Variants in KCNH1 observed in about 807,000 individuals in gnomAD.
KCNH1 encodes the protein voltage-gated delayed rectifier potassium channel KCNH1.
In KCNH1, 27 loss-of-function variants were observed where a neutral mutation model predicts 69.2. That is an observed-to-expected ratio of 0.39 (90% CI 0.29 to 0.54). The LOEUF is 0.54. KCNH1 is among the 20% of genes least tolerant of loss of function. KCNH1 has a pLI of 0.68. For missense variants in KCNH1, 798 were observed against 1,261.6 expected, an observed-to-expected ratio of 0.63 and a Z score of 5.57; for synonymous variants, 456 against 487.7, an observed-to-expected ratio of 0.93 and a Z score of 0.86.
At chr1:211,093,318 AAAG>A (rs1691089005) in intron 3 of KCNH1, among the ~76,000 whole-genome samples, 1 of 152,214 alleles carries the variant, frequency 6.6e-6, no homozygotes, top group African/African-American at 2.4e-5. Context: ...CCATTTGTTT[AAAG>A]TGTGTCTCTC....
In KCNH1 at chr1:210,683,491, C is replaced by T; in HGVS notation, c.2760G>A (p.Gln920=). 6.2e-7 allele frequency: 1 copy of T among 1,614,198 alleles called. No homozygotes were observed. Among genetic ancestry groups the T allele is most frequent in the Non-Finnish European group, 8.5e-7 (1 of 1,180,034 alleles). ...VKHSFYPIPE[Q]TLQATVLEVR... ...CCTCCAGGACTGTGGCCTGCAGCGT[C>T]TGCTCAGGGATGGGGTAGAACGAAT... Residue 920 remains glutamine, a synonymous_variant, in exon 11 of 11, where the codon CAG becomes CAA. Transcript: ENST00000271751. This position sits in a 1 kb window ranked among gnomAD's most constrained non-coding sequence, Gnocchi z 5.7.
intron 5 of KCNH1, among the ~76,000 whole-genome samples, chr1:211,060,068 A>G (rs1690403010): frequency 6.6e-6 from 1 of 152,182 alleles, no homozygotes; most frequent in Non-Finnish European, 1.5e-5. Context: ...CTGGAAATCA[A>G]TAACAAGAGG....
At chr1:210,867,358 C>T (rs1057244112) in intron 7 of KCNH1, among the ~76,000 whole-genome samples, 1 of 106,776 alleles carries the variant, frequency 9.4e-6, no homozygotes, top group Non-Finnish European at 2.3e-5. Context: ...CACACACACA[C>T]ACACATATAT....
intron 6 of KCNH1, among the ~76,000 whole-genome samples, chr1:210,999,300 A>C (rs1474641681): frequency 1.3e-5 from 2 of 152,224 alleles, no homozygotes; most frequent in African/African-American, 2.4e-5. Flanking sequence ...GAGAAGAATC[A>C]AATAGACACA....
intron 7 of KCNH1, among the ~76,000 whole-genome samples, chr1:210,806,416 T>A (rs1168243215): frequency 6.6e-6 from 1 of 152,094 alleles, no homozygotes; most frequent in Non-Finnish European, 1.5e-5. Flanking sequence ...ATTGTTGAGT[T>A]CTAAGAACCC....
chr1:210,961,543 A>T (rs572070670), intron 6 of KCNH1, among the ~76,000 whole-genome samples: 1 of 152,302 alleles, frequency 6.6e-6, no homozygotes, highest in South Asian at 2.1e-4. Flanking sequence ...CTGAATATAC[A>T]GAATACAGTT....
chr1:210,917,229 G>GAAAGAAAGAAAGAAAGAA (rs1553359735), intron 7 of KCNH1, among the ~76,000 whole-genome samples: 23 of 78,868 alleles, frequency 2.9e-4, no homozygotes, highest in African/African-American at 7.8e-4. Context: ...GAGAGAGAGA[G>GAAAGAAAGAAAGAAAGAA]AGAAAGAAAG....
At chr1:210,813,502 T>G (rs1337126055) in intron 7 of KCNH1, among the ~76,000 whole-genome samples, 3 of 152,178 alleles carry the variant, frequency 2.0e-5, no homozygotes, top group African/African-American at 7.2e-5. Flanking sequence ...AGAACCAGAC[T>G]TAGTCCTTAT....
intron 1 of KCNH1, among the ~76,000 whole-genome samples, chr1:211,125,323 A>C (rs1691757709): frequency 6.6e-6 from 1 of 152,204 alleles, no homozygotes; most frequent in Non-Finnish European, 1.5e-5. Context: ...CTAGGGAGGC[A>C]AACAGAAACT....
At chr1:211,001,182 G>C (rs1194670794) in intron 6 of KCNH1, among the ~76,000 whole-genome samples, 1 of 152,134 alleles carries the variant, frequency 6.6e-6, no homozygotes, top group Non-Finnish European at 1.5e-5. Context: ...TCAAACTAAA[G>C]AGCTTCTGCA....
intron 6 of KCNH1, among the ~76,000 whole-genome samples, chr1:210,964,932 C>A (rs1688370306): frequency 6.6e-6 from 1 of 152,166 alleles, no homozygotes; most frequent in Non-Finnish European, 1.5e-5. Context: ...CCCTGAGATG[C>A]AAGGCTGGTT....
intron 6 of KCNH1, among the ~76,000 whole-genome samples, chr1:211,012,578 A>G (rs375158064): frequency 2.0e-5 from 3 of 152,310 alleles, no homozygotes; most frequent in East Asian, 3.9e-4. Flanking sequence ...GACATTCTGA[A>G]AATGCAAAAC....
chr1:211,005,531 G>A (rs545173570), intron 6 of KCNH1, among the ~76,000 whole-genome samples: 1 of 152,152 alleles, frequency 6.6e-6, no homozygotes, highest in East Asian at 1.9e-4. Flanking sequence ...TCAAATAAAT[G>A]ATACTAGGTC....
At chr1:210,987,385 T>C (rs1326930061) in intron 6 of KCNH1, among the ~76,000 whole-genome samples, 1 of 152,218 alleles carries the variant, frequency 6.6e-6, no homozygotes, top group Non-Finnish European at 1.5e-5. Flanking sequence ...CCAGTTTTTC[T>C]GCTCTGTTTT....
chr1:211,123,774 C>T (rs1469263923), intron 1 of KCNH1, among the ~76,000 whole-genome samples: 2 of 151,772 alleles, frequency 1.3e-5, no homozygotes, highest in South Asian at 2.1e-4. Flanking sequence ...GAGAGTGAGC[C>T]GCGGGAGTGA....
chr1:211,033,228 G>C (rs9660985), intron 5 of KCNH1, among the ~76,000 whole-genome samples: 9,627 of 152,306 alleles, frequency 0.063, 387 homozygotes, highest in African/African-American at 0.095. Context: ...TCTCACACCA[G>C]TTAGAATGGC....
At chr1:211,055,090 C>T (rs1309306889) in intron 5 of KCNH1, among the ~76,000 whole-genome samples, 5 of 152,160 alleles carry the variant, frequency 3.3e-5, no homozygotes, top group African/African-American at 9.6e-5. Flanking sequence ...AAAGCACCTA[C>T]GTAAGAGCCA....
At chr1:210,997,681 G>C (rs1195069017) in intron 6 of KCNH1, among the ~76,000 whole-genome samples, 2 of 152,048 alleles carry the variant, frequency 1.3e-5, no homozygotes, top group African/African-American at 2.4e-5. Flanking sequence ...GATACTCCTC[G>C]AGAAGAGCAA....
intron 7 of KCNH1, among the ~76,000 whole-genome samples, chr1:210,898,991 G>A (rs559442018): frequency 6.6e-6 from 1 of 152,230 alleles, no homozygotes; most frequent in African/African-American, 2.4e-5. Flanking sequence ...GGCTCACAAT[G>A]GTTTTTAATC....
Sources: gnomAD v4.1 joint callset for allele counts (sites outside exome capture counted in the v4.1 genomes callset) on GRCh38, gnomAD v4.1.1 for gene constraint, Gnocchi (gnomAD v3.1) non-coding constraint, MANE v1.5 for transcripts, NCBI Gene and HGNC (gene_info 2026-07-23, HGNC 2026-07-21) for gene names.